LVRN: variants seen among roughly 807,000 people sequenced by gnomAD.
LVRN encodes the protein laeverin.
Under a neutral mutation model 111.4 loss-of-function variants are expected in LVRN, and 99 were observed. That is an observed-to-expected ratio of 0.89 (90% confidence interval 0.76 to 1.05). LVRN has a LOEUF of 1.05. LVRN is among the 50% of genes least tolerant of loss of function. LVRN has a pLI of 0.00. For synonymous variants in LVRN, 488 were observed against 449.5 expected (o/e 1.09, Z -1.08); for missense variants, 1,414 against 1,206.8 (o/e 1.17, Z -2.54).
intron 15 of LVRN, among the ~76,000 whole-genome samples, chr5:116,013,203 A>G (rs927349919): frequency 2.6e-5 from 4 of 152,214 alleles, no homozygotes; most frequent in Non-Finnish European, 5.9e-5. Flanking sequence ...TATACAAAGT[A>G]TGATTATTCT....
chr5:115,997,233 T>C (rs1324274916), intron 6 of LVRN, among the ~76,000 whole-genome samples: 1 of 152,176 alleles, frequency 6.6e-6, no homozygotes, highest in African/African-American at 2.4e-5. Context: ...TGGTGGTCTT[T>C]GATGAGTCAC....
chr5:115,992,739 T>C (rs10042431), intron 5 of LVRN, among the ~76,000 whole-genome samples: 29,151 of 152,122 alleles, frequency 0.19, 3,252 homozygotes, highest in East Asian at 0.49. Context: ...TGGCAATAAT[T>C]AACCCTTGAG....
intron 3 of LVRN, among the ~76,000 whole-genome samples, chr5:115,985,157 A>G (rs1747828966): frequency 1.3e-5 from 2 of 152,168 alleles, no homozygotes; most frequent in Admixed American, 1.3e-4. Context: ...GACACCAGCC[A>G]GGAACAACTG....
intron 14 of LVRN, among the ~76,000 whole-genome samples, chr5:116,012,017 T>C (rs1748500911): frequency 6.6e-6 from 1 of 152,166 alleles, no homozygotes; most frequent in Non-Finnish European, 1.5e-5. Flanking sequence ...ACATTTCTTC[T>C]CTATTTTGAA....
chr5:115,986,479 A>G (rs2112576007), intron 3 of LVRN, among the ~76,000 whole-genome samples: 1 of 152,326 alleles, frequency 6.6e-6, no homozygotes, highest in African/African-American at 2.4e-5. Flanking sequence ...TGCCATAGAA[A>G]CAACAAGGAA....
chr5:116,014,533 A>G lies in LVRN; in HGVS notation c.2450+6A>G. The stretch of plus-strand genomic sequence containing the variant: ...GTGGATCATCCAGAAAATGAGTAAG[A>G]GTAATATCATAATTCCTCTTGTTTT... On this transcript the variant is annotated splice_donor_region_variant and intron_variant, in intron 16 of 19. Transcript: ENST00000357872. 1 of 1,603,440 alleles carries G rather than the reference A, an allele frequency of 6.2e-7. No individual in the cohort carries two copies.
At chr5:115,985,426 C>T (rs554966202) in intron 3 of LVRN, among the ~76,000 whole-genome samples, 2 of 152,188 alleles carry the variant, frequency 1.3e-5, no homozygotes, top group East Asian at 1.9e-4. Context: ...GAAAAGCATA[C>T]GTGCCCCGGA....
At position 116,025,641 on chromosome 5, in the gene LVRN, G is replaced by A. The variant is rs148643668; in HGVS notation, c.2833-337G>A. ...CTTTTGAGATTTTTAAAAAATTGGG[G>A]GGGTTCACTGTATCTCTGTCTGCAA... On this transcript the variant is annotated intron_variant, in intron 19 of 19. Transcript: ENST00000357872. Among the ~76,000 whole-genome samples, 390 of 152,226 alleles carry A rather than the reference G, an allele frequency of 2.6e-3. 1 individual carries two copies. The highest frequency in any genetic ancestry group is 7.8e-3 in the African/African-American group (325 of 41,556).
At chr5:116,010,943 C>G in intron 14 of LVRN, 49 bp downstream of exon 14, 1 of 1,429,322 alleles carries the variant, frequency 7.0e-7, no homozygotes, top group Non-Finnish European at 9.3e-7. Flanking sequence ...CTCTCTTCTT[C>G]TTTTCATATT....
At chr5:115,972,218 C>CTG (rs1287968018) in intron 1 of LVRN, among the ~76,000 whole-genome samples, 1 of 152,008 alleles carries the variant, frequency 6.6e-6, no homozygotes, top group Non-Finnish European at 1.5e-5. Context: ...TTGAAAGACA[C>CTG]TGTTAAAAGA....
chr5:116,023,548 A>T (rs527461643), intron 19 of LVRN: 38 of 152,382 alleles, frequency 2.5e-4, no homozygotes, highest in African/African-American at 8.2e-4. Flanking sequence ...TGGTCTAACC[A>T]GGGTCCTGTG....
Position 115,984,466 on chromosome 5 carries a change from T to A in LVRN, c.839-104T>A, listed in dbSNP as rs551687078. 4 of 1,359,460 alleles carry A rather than the reference T, an allele frequency of 2.9e-6. No homozygotes were observed. The Admixed American group carries it at 6.3e-5, about 21-fold the overall frequency. 84.2% of individuals were successfully genotyped at this position (1,359,460 alleles called of 1,614,324 possible). A position where few individuals can be genotyped will look rare whatever the true frequency, so the allele number is the denominator to read the frequency against. ...ATCTGAACTGCTAGACTATGAGGAA[T>A]AGCTGGAAAGGAGTAGCTGGGTGAC... On this transcript the variant is annotated intron_variant, in intron 2 of 19. Coordinates refer to ENST00000357872, the MANE Select transcript of LVRN (RefSeq NM_173800.5).
intron 6 of LVRN, among the ~76,000 whole-genome samples, chr5:115,996,732 A>T (rs1748121670): frequency 6.6e-6 from 1 of 152,178 alleles, no homozygotes; most frequent in African/African-American, 2.4e-5. Context: ...CCACTCACTG[A>T]CTTTCCTCCA....
chr5:115,984,145 C>T (rs1203749720), intron 2 of LVRN, among the ~76,000 whole-genome samples: 1 of 152,062 alleles, frequency 6.6e-6, no homozygotes, highest in Non-Finnish European at 1.5e-5. Context: ...CTTTAAAGGC[C>T]CCAGATTGCT....
rs374617187 is a variant in LVRN, at chr5:115,965,781, ACCTTTCTTCC to A, written c.695+2484_695+2493del. ...TGTCTTGCTGCCCTGTGAAGAAAGT[ACCTTTCTTCC>A]CCTTTCTTCCCCTTCATCTCCTGCC... On this transcript the variant is annotated intron_variant, in intron 1 of 19. Coordinates refer to ENST00000357872, the MANE Select transcript of LVRN (RefSeq NM_173800.5). Among the ~76,000 whole-genome samples, 74 of 152,092 alleles carry A rather than the reference ACCTTTCTTCC, an allele frequency of 4.9e-4. 1 individual carries two copies. In the East Asian group the frequency reaches 0.014, roughly 28 times the overall value.
intron 7 of LVRN, 79 bp downstream of exon 7, chr5:115,999,981 C>T (rs1748203194): frequency 3.6e-6 from 5 of 1,406,420 alleles, no homozygotes; most frequent in Admixed American, 2.3e-5. Context: ...GGTCCTATAT[C>T]ATCATACAAC....
chr5:115,991,218 G>A (rs955574620), intron 4 of LVRN, among the ~76,000 whole-genome samples: 4 of 151,972 alleles, frequency 2.6e-5, no homozygotes, highest in Non-Finnish European at 5.9e-5. Context: ...TGCTTCCCCC[G>A]AATCCCTGAC....
In LVRN at chr5:115,983,448, C is replaced by G; in HGVS notation, c.838+19C>G. ...AAGCTAGGTAAGTAATGCTTTCTGT[C>G]TATATCTAGCTGTCTATCTATATAA... On this transcript the variant is annotated intron_variant, in intron 2 of 19. Transcript: ENST00000357872. 1 of 1,577,614 alleles carries G rather than the reference C, an allele frequency of 6.3e-7. No homozygotes were observed. Among genetic ancestry groups the G allele is most frequent in the African/African-American group, 1.4e-5 (1 of 73,178 alleles).
intron 6 of LVRN, 43 bp from the exon 7 acceptor site, chr5:115,999,719 T>C: frequency 6.3e-7 from 1 of 1,598,732 alleles, no homozygotes; most frequent in Non-Finnish European, 8.5e-7. Flanking sequence ...TGGTCTTCTG[T>C]GACACCTCAG....
Sources: gnomAD v4.1 joint callset for allele counts (sites outside exome capture counted in the v4.1 genomes callset) on GRCh38, gnomAD v4.1.1 for gene constraint, MANE v1.5 for transcripts, NCBI Gene and HGNC (gene_info 2026-07-23, HGNC 2026-07-21) for gene names.